The following ZNF521 variants were observed in gnomAD, a reference collection of about 807,000 sequenced individuals.
ZNF521 encodes LYST-interacting protein 3.
A neutral mutation model predicts 105.5 loss-of-function variants in ZNF521; 14 were observed. The observed-to-expected ratio is 0.13, with a 90% CI of 0.09 to 0.21. ZNF521 has a LOEUF of 0.21. Among genes scored for constraint, ZNF521 ranks in the 10% least tolerant of loss-of-function variants. ZNF521 has a pLI of 1.00. For synonymous variants in ZNF521, 635 were observed against 606.0 expected (o/e 1.05, Z -0.70); for missense variants, 1,233 against 1,629.7 (o/e 0.76, Z 4.19).
chr18:25,217,830 A>G (rs1905428772), intron 4 of ZNF521, among the ~76,000 whole-genome samples: 1 of 152,244 alleles, frequency 6.6e-6, no homozygotes, highest in South Asian at 2.1e-4. Flanking sequence ...TATTATCTGC[A>G]CAGGGCATTG....
chr18:25,080,262 T>C (rs1381440755), intron 7 of ZNF521, among the ~76,000 whole-genome samples: 1 of 152,218 alleles, frequency 6.6e-6, no homozygotes, highest in Non-Finnish European at 1.5e-5. Context: ...TTCACCACTA[T>C]TAAAGGACTC....
rs112324276 is a variant in ZNF521, at chr18:25,148,652, T to G, written c.3658+46508A>C. The stretch of plus-strand genomic sequence containing the variant: ...CTGTACTAGCAAAGGGAGGTCTACC[T>G]GCTGCAAAACTGTAAGATAACTGTG... On this transcript the variant is annotated intron_variant, in intron 5 of 7. Coordinates refer to ENST00000361524, the MANE Select transcript of ZNF521 (RefSeq NM_015461.3). 1.3e-4 allele frequency among the ~76,000 whole-genome samples: 20 copies of G among 152,256 alleles called. 1 individual carries two copies. Among genetic ancestry groups the G allele is most frequent in the African/African-American group, 4.8e-4 (20 of 41,556 alleles).
chr18:25,270,600 T>C (rs1402912154), intron 3 of ZNF521, among the ~76,000 whole-genome samples: 1 of 152,180 alleles, frequency 6.6e-6, no homozygotes, highest in Non-Finnish European at 1.5e-5. Context: ...GCTTCATCCC[T>C]GGGATGCAAG....
chr18:25,312,678 G>C (rs1912381224), intron 3 of ZNF521, among the ~76,000 whole-genome samples: 1 of 104,412 alleles, frequency 9.6e-6, no homozygotes, highest in Non-Finnish European at 2.1e-5. Context: ...GGGCGCGGTG[G>C]CGGGCGCCTG....
At chr18:25,325,242 C>A (rs1913150893) in intron 2 of ZNF521, among the ~76,000 whole-genome samples, 3 of 152,160 alleles carry the variant, frequency 2.0e-5, no homozygotes, top group Admixed American at 2.0e-4. Flanking sequence ...GGGTTTGCAT[C>A]CCTAATGCCA....
chr18:25,076,370 C>T (rs950088470), intron 7 of ZNF521, among the ~76,000 whole-genome samples: 6 of 152,148 alleles, frequency 3.9e-5, no homozygotes, highest in African/African-American at 1.4e-4. Context: ...ACCAGGCTGA[C>T]CGGAGACCAG....
At chr18:25,169,499 C>T (rs1424051153) in intron 5 of ZNF521, among the ~76,000 whole-genome samples, 1 of 152,016 alleles carries the variant, frequency 6.6e-6, no homozygotes, top group Admixed American at 6.6e-5. Flanking sequence ...GTGTGCAAAG[C>T]CAGCAATTTT....
chr18:25,328,575 C>T (rs1312969261), intron 2 of ZNF521, among the ~76,000 whole-genome samples: 5 of 148,226 alleles, frequency 3.4e-5, no homozygotes, highest in African/African-American at 7.5e-5. Context: ...TTTTTTGAGA[C>T]GGAGTCTCGC....
chr18:25,255,894 T>C (rs181976457), intron 3 of ZNF521, among the ~76,000 whole-genome samples: 47 of 151,282 alleles, frequency 3.1e-4, no homozygotes, highest in Non-Finnish European at 5.8e-4. Context: ...CAACCTTCCA[T>C]CATGAATGAT....
intron 5 of ZNF521, among the ~76,000 whole-genome samples, chr18:25,123,253 AG>A (rs1419837150): frequency 2.0e-5 from 3 of 152,014 alleles, no homozygotes; most frequent in African/African-American, 7.2e-5. Flanking sequence ...CCACATCGTC[AG>A]GGAACTGTTG....
chr18:25,208,731 C>T (rs1365039482), intron 4 of ZNF521, among the ~76,000 whole-genome samples: 1 of 152,178 alleles, frequency 6.6e-6, no homozygotes, highest in African/African-American at 2.4e-5. Flanking sequence ...TTAAAACCAA[C>T]TTGTTACACT....
intron 3 of ZNF521, among the ~76,000 whole-genome samples, chr18:25,313,922 C>A (rs148637078): frequency 1.8e-4 from 28 of 152,046 alleles, no homozygotes; most frequent in African/African-American, 6.8e-4. Flanking sequence ...AAAAGACATA[C>A]TTTAGGTACA....
intron 4 of ZNF521, chr18:25,201,184 T>A (rs752369355): frequency 2.0e-5 from 3 of 152,076 alleles, no homozygotes; most frequent in African/African-American, 7.2e-5. Flanking sequence ...TAGAGAGACA[T>A]TGCAAGGTAA....
intron 2 of ZNF521, among the ~76,000 whole-genome samples, chr18:25,337,341 G>GA (rs1018336845): frequency 6.6e-6 from 1 of 152,112 alleles, no homozygotes; most frequent in Non-Finnish European, 1.5e-5. Flanking sequence ...TGGCAAAAGA[G>GA]AAAAAACTAC....
At chr18:25,119,351 C>T (rs374297537) in intron 5 of ZNF521, among the ~76,000 whole-genome samples, 8 of 152,238 alleles carry the variant, frequency 5.3e-5, no homozygotes, top group Admixed American at 5.2e-4. Flanking sequence ...TTATACTCAA[C>T]ATCTGCAGAA....
At chr18:25,161,418 C>T (rs1405333351) in intron 5 of ZNF521, among the ~76,000 whole-genome samples, 1 of 152,022 alleles carries the variant, frequency 6.6e-6, no homozygotes, top group Non-Finnish European at 1.5e-5. Context: ...TTTTTATGGA[C>T]ACAATGGAGG....
At chr18:25,126,120 G>A (rs2034534448) in intron 5 of ZNF521, among the ~76,000 whole-genome samples, 1 of 152,016 alleles carries the variant, frequency 6.6e-6, no homozygotes, top group Non-Finnish European at 1.5e-5. Flanking sequence ...ACTTGAAAGT[G>A]GATTCGACTA....
At chr18:25,069,391 CA>C (rs777540531) in intron 7 of ZNF521, among the ~76,000 whole-genome samples, 1 of 152,132 alleles carries the variant, frequency 6.6e-6, no homozygotes, top group Non-Finnish European at 1.5e-5. Context: ...TTAACATTTT[CA>C]AAGTCCACAC....
chr18:25,199,367 G>A (rs2035954693), intron 4 of ZNF521, among the ~76,000 whole-genome samples: 1 of 151,726 alleles, frequency 6.6e-6, no homozygotes, highest in African/African-American at 2.4e-5. Flanking sequence ...CTGATTTGGG[G>A]GGAGGGGGTG....
Sources: allele counts gnomAD v4.1 joint callset (sites outside exome capture counted in the v4.1 genomes callset), GRCh38; gene constraint gnomAD v4.1.1; transcripts MANE v1.5; gene names NCBI Gene and HGNC (gene_info 2026-07-23, HGNC 2026-07-21).